GMIP: variants seen among roughly 807,000 people sequenced by gnomAD.
The protein encoded by GMIP is GEM-interacting protein.
Under a neutral mutation model 105.3 loss-of-function variants are expected in GMIP, and 54 were observed. That is an observed-to-expected ratio of 0.51 (90% CI 0.41 to 0.64). The LOEUF (loss-of-function observed/expected upper bound fraction) is 0.64. Among genes scored for constraint, GMIP ranks in the 30% least tolerant of loss-of-function variants. The pLI is 0.00. For synonymous variants in GMIP, 541 were observed against 560.8 expected (o/e 0.96, Z 0.50); for missense variants, 1,110 against 1,319.4 (o/e 0.84, Z 2.46).
Position 19,638,152 on chromosome 19 carries a change from T to C in GMIP, c.789+7A>G. 2 of 1,576,082 alleles carry C rather than the reference T, an allele frequency of 1.3e-6. No individual in the cohort carries two copies. Among genetic ancestry groups the C allele is most frequent in the Non-Finnish European group, 1.7e-6 (2 of 1,169,974 alleles). On this transcript the variant is annotated splice_region_variant and intron_variant, in intron 9 of 20. Transcript: ENST00000203556. ...AGCGCTACAGGGGCTCGGGGCCGGGTGCCCACCTTGGCCTGGGCCTCCTCT... is the reference window on the plus strand; with the variant it reads ...AGCGCTACAGGGGCTCGGGGCCGGGCGCCCACCTTGGCCTGGGCCTCCTCT...
Position 19,638,242 on chromosome 19 carries a change from C to A in GMIP, c.706G>T (p.Glu236Ter). 1 of 1,602,942 alleles carries A rather than the reference C, an allele frequency of 6.2e-7. No homozygotes were observed. Residue 236 changes from glutamate (E) to a stop codon, truncating the protein, a stop_gained, in exon 9 of 21, where the codon GAG becomes TAG. Transcript: ENST00000203556. LOFTEE classifies it high-confidence loss of function. ...DLRARSQGSP[E>*]DSAPQASPGP... The stretch of plus-strand genomic sequence containing the variant: ...GGCGAGGCCTGGGGGGCCGAGTCCT[C>A]AGGGGACCCCTGGGAGCGTGCCCGC...
intron 13 of GMIP, 59 bp downstream of exon 13, chr19:19,636,648 C>T: frequency 7.9e-7 from 1 of 1,267,490 alleles, no homozygotes; most frequent in Non-Finnish European, 1.2e-6. Context: ...CAGAGCTTGG[C>T]CAGGGGCTGG....
Position 19,635,579 on chromosome 19 carries a change from G to A in GMIP, c.1406-10C>T. 6.2e-7 allele frequency: 1 copy of A among 1,613,832 alleles called. No individual in the cohort carries two copies. The highest frequency in any genetic ancestry group is 1.1e-5 in the South Asian group (1 of 91,068). ...AGCCCGTCTCCCAGGTCTGCAGGGAGACAGGGTCAGGAGTGCCTGGTGCCC... is the reference window on the plus strand; with the variant it reads ...AGCCCGTCTCCCAGGTCTGCAGGGAAACAGGGTCAGGAGTGCCTGGTGCCC... On this transcript the variant is annotated splice_polypyrimidine_tract_variant and intron_variant, in intron 14 of 20. Coordinates refer to ENST00000203556, the MANE Select transcript of GMIP (RefSeq NM_016573.4). This position sits in a 1 kb window ranked among gnomAD's most constrained non-coding sequence, Gnocchi z 4.7.
intron 13 of GMIP, among the ~76,000 whole-genome samples, 185 bp downstream of exon 13, chr19:19,636,522 A>C (rs1031886602): frequency 6.6e-6 from 1 of 152,196 alleles, no homozygotes; most frequent in Non-Finnish European, 1.5e-5. Flanking sequence ...GACTGTCTCA[A>C]ATAAACAAAC....
chr19:19,638,104 G>C (rs763057554), intron 9 of GMIP, 47 bp from the exon 10 acceptor site: 2 of 1,553,136 alleles, frequency 1.3e-6, no homozygotes, highest in Non-Finnish European at 1.7e-6. Flanking sequence ...GTGTGGGCGA[G>C]AGTGGAGGGC....
At chr19:19,640,398 G>C in intron 5 of GMIP, 38 bp from the exon 6 acceptor site, 3 of 1,614,018 alleles carry the variant, frequency 1.9e-6, no homozygotes, top group Non-Finnish European at 2.5e-6. Flanking sequence ...GTCTAGCTGG[G>C]GTCTGGGGAC....
In GMIP at chr19:19,637,890, G is replaced by A. The variant is rs1005748343; in HGVS notation, c.927+30C>T. On this transcript the variant is annotated intron_variant, in intron 10 of 20. Transcript: ENST00000203556. The surrounding 1 kb of genome is among the most constrained non-coding windows in gnomAD (Gnocchi z 6.7). ...CTCAGTCGGGGCCCCAACGGGGTGA[G>A]GGGAGGATGGCCTTGGGGATGGGCC... The A allele has an allele frequency of 6.3e-7, 1 of 1,577,048 alleles. No individual in the cohort carries two copies. Among genetic ancestry groups the A allele is most frequent in the East Asian group, 2.3e-5 (1 of 44,350 alleles).
intron 19 of GMIP, among the ~76,000 whole-genome samples, chr19:19,631,029 C>G (rs149289162): frequency 6.6e-6 from 1 of 151,966 alleles, no homozygotes; most frequent in African/African-American, 2.4e-5. Flanking sequence ...GGTGAAACTC[C>G]GTCTCTACTA....
chr19:19,641,112 G>A (rs1262174715), intron 4 of GMIP, among the ~76,000 whole-genome samples: 6 of 150,030 alleles, frequency 4.0e-5, no homozygotes, highest in South Asian at 4.2e-4. Context: ...GCGGAGTCTC[G>A]CTCTGTCGCT....
chr19:19,638,002 T>C lies in GMIP; in HGVS notation c.845A>G (p.Gln282Arg). Residue 282 changes from glutamine (Q) to arginine (R), a missense_variant, in exon 10 of 21, where the codon CAG becomes CGG. Gln to Arg is a conservative substitution (Grantham distance 43). Around this residue, in one of 3 missense-constraint regions of GMIP, gnomAD observed 667 missense variants for 773.2 expected, o/e 0.86. Coordinates refer to ENST00000203556, the MANE Select transcript of GMIP (RefSeq NM_016573.4). ...QACVREANAR[Q>R]QDLEIAKQRI... ...CTGCTTGGCGATCTCCAGGTCCTGCTGCCGCGCGTTGGCCTCGCGGACACA... is the reference window on the plus strand; with the variant it reads ...CTGCTTGGCGATCTCCAGGTCCTGCCGCCGCGCGTTGGCCTCGCGGACACA... 1 of 1,609,858 alleles carries C rather than the reference T, an allele frequency of 6.2e-7. No individual in the cohort carries two copies.
At position 19,633,948 on chromosome 19, in the gene GMIP, G is replaced by A. The variant is rs759371187; in HGVS notation, c.2327C>T (p.Ala776Val). Reference protein sequence around the residue: ...TEPPPQDSSPAPGPLTTSSQP... With the variant: ...TEPPPQDSSPVPGPLTTSSQP... ...GGAGCTGGTTGTGAGGGGCCCAGGG[G>A]CTGGGCTGGAGTCTTGGGGCGGGGG... The change falls in exon 19 of 21, where the codon GCC becomes GTC. Residue 776 changes from alanine to valine, a missense_variant. By Grantham distance (64) the Ala-to-Val change is moderately conservative. Coordinates refer to ENST00000203556, the MANE Select transcript of GMIP (RefSeq NM_016573.4). 6.3e-7 allele frequency: 1 copy of A among 1,576,554 alleles called. No individual in the cohort carries two copies. The highest frequency in any genetic ancestry group is 8.7e-7 in the Non-Finnish European group (1 of 1,154,672).
chr19:19,637,352 T>G lies in GMIP; in HGVS notation c.1124+13A>C. 2.0e-6 allele frequency: 3 copies of G among 1,480,830 alleles called. No individual in the cohort carries two copies. The highest frequency in any genetic ancestry group is 2.7e-6 in the Non-Finnish European group (3 of 1,113,596). The allele number at this position is 1,480,830 out of a possible 1,614,324, so 91.7% of individuals were successfully genotyped here. ...CCGGGGCTCGTTCCCGACTCCCTGC[T>G]CCAGTGACCCACCTGTTCAAGGAGG... is the stretch of plus-strand genomic sequence containing the variant. On this transcript the variant is annotated intron_variant, in intron 11 of 20. Transcript: ENST00000203556. This position sits in a 1 kb window ranked among gnomAD's most constrained non-coding sequence, Gnocchi z 6.7.
rs756683279 is a variant in GMIP, at chr19:19,638,418, T to A, written c.602A>T (p.Lys201Met). Residue 201 changes from lysine to methionine, a missense_variant, in exon 8 of 21, where the codon AAG becomes ATG. Lys to Met is a moderately conservative substitution (Grantham distance 95). Transcript: ENST00000203556. ...AAGCCTCACCATCCGCTTCTGCTCC[T>A]TCATCCACTGCTCCTTGAACTCCTT... Reference protein sequence around the residue: ...WRKEFKEQWMKEQKRMNEAVQ... With the variant: ...WRKEFKEQWMMEQKRMNEAVQ... 1 of 1,614,184 alleles carries A rather than the reference T, an allele frequency of 6.2e-7. No homozygotes were observed. The highest frequency in any genetic ancestry group is 1.1e-5 in the South Asian group (1 of 91,086).
At chr19:19,631,279 G>A (rs1301249071) in intron 19 of GMIP, among the ~76,000 whole-genome samples, 2 of 152,200 alleles carry the variant, frequency 1.3e-5, no homozygotes, top group Non-Finnish European at 2.9e-5. Context: ...TGGGCTCCAT[G>A]AGGGTGGGAA....
At chr19:19,632,578 G>A (rs1016600580) in intron 19 of GMIP, among the ~76,000 whole-genome samples, 1 of 152,160 alleles carries the variant, frequency 6.6e-6, no homozygotes, top group Non-Finnish European at 1.5e-5. Context: ...CCCTTTTAGG[G>A]CCATTAACTG....
Position 19,643,515 on chromosome 19 carries a change from C to T in GMIP, c.15G>A (p.Glu5=), listed in dbSNP as rs149781643. The T allele has an allele frequency of 3.2e-6, 5 of 1,548,620 alleles. No individual in the cohort carries two copies. In the African/African-American group the frequency reaches 6.9e-5, roughly 21 times the overall value. Residue 5 remains glutamate (E), a synonymous_variant, in exon 1 of 21, where the codon GAG becomes GAA. Transcript: ENST00000203556. MDAA[E]PGLPPGPEGR... ...CCCGGATCCCCGACCCCCTACCCGG[C>T]TCTGCTGCGTCCATATCTGGGCCCG...
At chr19:19,643,115 C>T (rs976783910) in intron 1 of GMIP, 2 of 245,130 alleles carry the variant, frequency 8.2e-6, no homozygotes, top group Admixed American at 5.3e-5. Flanking sequence ...TACTGCTGCC[C>T]CCCTGCCCCC....
Position 19,630,636 on chromosome 19 carries a change from A to C in GMIP, c.2473-99T>G, listed in dbSNP as rs1389985012. The C allele has an allele frequency of 1.9e-6, 2 of 1,060,050 alleles. No homozygotes were observed. Among genetic ancestry groups the C allele is most frequent in the East Asian group, 2.4e-5 (1 of 42,424 alleles). The allele number at this position is 1,060,050 out of a possible 1,614,324, so 65.7% of individuals were successfully genotyped here. ...GCTTGTTCCTGGACATGCAAAAGGA[A>C]TAGCCAGTGCAAAGGCCCTGAGGTA... On this transcript the variant is annotated intron_variant, in intron 19 of 20. Transcript: ENST00000203556. This position sits in a 1 kb window ranked among gnomAD's most constrained non-coding sequence, Gnocchi z 4.8.
rs2144858956 is a variant in GMIP, at chr19:19,637,691, C to G, written c.928-130G>C. On this transcript the variant is annotated intron_variant, in intron 10 of 20. Transcript: ENST00000203556. The surrounding 1 kb of genome is among the most constrained non-coding windows in gnomAD (Gnocchi z 6.7). ...GGGACGCACCTGGGCGGCTTAGGAA[C>G]TAGGGCAGTCGGCCAGGGGACCCAG... The G allele has an allele frequency of 1.2e-6, 1 of 867,790 alleles. No homozygotes were observed. Among genetic ancestry groups the G allele is most frequent in the Admixed American group, 3.1e-5 (1 of 32,548 alleles). The allele number at this position is 867,790 out of a possible 1,614,324, so 53.8% of individuals were successfully genotyped here.
Sources: allele counts gnomAD v4.1 joint callset (sites outside exome capture counted in the v4.1 genomes callset), GRCh38; gene constraint gnomAD v4.1.1; regional missense constraint gnomAD v4.1.1; non-coding constraint Gnocchi (gnomAD v3.1); transcripts MANE v1.5; gene names NCBI Gene and HGNC (gene_info 2026-07-23, HGNC 2026-07-21).